Variants in DOCK2 observed in about 807,000 individuals in gnomAD.
DOCK2 encodes dedicator of cytokinesis 2, also known as dedicator of cytokinesis protein 2.
DOCK2 carries 87 observed loss-of-function variants against 248.9 expected under a neutral mutation model. The observed-to-expected ratio is 0.35, with a 90% confidence interval of 0.29 to 0.42. The LOEUF (loss-of-function observed/expected upper bound fraction) is 0.42. DOCK2 is among the 10% of genes least tolerant of loss of function. The probability of loss-of-function intolerance (pLI) is 1.00; values close to 1 mark genes in which losing one functional copy is unlikely to be tolerated. For missense variants in DOCK2, 1,747 were observed against 2,300.2 expected, an observed-to-expected ratio of 0.76 and a Z score of 4.92; for synonymous variants, 805 against 821.6, an observed-to-expected ratio of 0.98 and a Z score of 0.35.
chr5:169,973,593 T>A (rs1029329016), intron 27 of DOCK2, among the ~76,000 whole-genome samples: 11 of 152,154 alleles, frequency 7.2e-5, no homozygotes, highest in Admixed American at 5.2e-4. Flanking sequence ...GAGCTGGCAT[T>A]GATCCCAGGA....
chr5:169,667,204 C>A (rs1187145912), intron 2 of DOCK2, among the ~76,000 whole-genome samples: 1 of 152,156 alleles, frequency 6.6e-6, no homozygotes, highest in Non-Finnish European at 1.5e-5. Flanking sequence ...CCTTAGCCAT[C>A]ATGTGGGTTC....
At chr5:169,820,625 C>A (rs1360544993) in intron 26 of DOCK2, among the ~76,000 whole-genome samples, 1 of 152,094 alleles carries the variant, frequency 6.6e-6, no homozygotes, top group Non-Finnish European at 1.5e-5. Flanking sequence ...CTGTACGTCA[C>A]CATCATCAAA....
At chr5:169,649,864 T>G (rs913952276) in intron 1 of DOCK2, among the ~76,000 whole-genome samples, 1 of 151,724 alleles carries the variant, frequency 6.6e-6, no homozygotes, top group African/African-American at 2.4e-5. Flanking sequence ...AGTGCAGTGG[T>G]GTAATCTCGG....
chr5:169,795,948 T>A (rs1463986178), intron 25 of DOCK2, among the ~76,000 whole-genome samples: 1 of 151,886 alleles, frequency 6.6e-6, no homozygotes, highest in East Asian at 1.9e-4. Flanking sequence ...TTTCAGTCAA[T>A]AGGAACTTGG....
intron 27 of DOCK2, among the ~76,000 whole-genome samples, chr5:169,915,615 G>GGA (rs1190622602): frequency 6.6e-6 from 1 of 150,720 alleles, no homozygotes; most frequent in African/African-American, 2.4e-5. Context: ...GGGAGGGAGG[G>GGA]GAGAGAGAGA....
rs1374878267 is a variant in DOCK2 at position 169,637,281 on chromosome 5, C to A, written c.-46C>A. 1.4e-6 allele frequency: 2 copies of A among 1,433,936 alleles called. No homozygotes were observed. The highest frequency in any genetic ancestry group is 1.4e-5 in the South Asian group (1 of 71,878). The allele number at this position is 1,433,936 out of a possible 1,614,324, so 88.8% of individuals were successfully genotyped here. A position where few individuals can be genotyped will look rare whatever the true frequency, so the allele number is the denominator to read the frequency against. ...GTGGGGCCCTGCGGCGCCCAGCCAC[C>A]CCCTGACGGCTTCCCCACGGGAGGA... On this transcript the variant is annotated 5_prime_UTR_variant, in exon 1 of 52. Transcript: ENST00000520908.
At chr5:170,031,650 G>C (rs1165831538) in intron 34 of DOCK2, among the ~76,000 whole-genome samples, 4 of 152,192 alleles carry the variant, frequency 2.6e-5, no homozygotes, top group Non-Finnish European at 4.4e-5. Context: ...TCCCATGCTA[G>C]ACTGTGATCT....
At chr5:169,637,610 C>G (rs1408215520) in intron 1 of DOCK2, among the ~76,000 whole-genome samples, 2 of 152,176 alleles carry the variant, frequency 1.3e-5, no homozygotes, top group African/African-American at 4.8e-5. Flanking sequence ...GAACCTTAGA[C>G]ATTTCCGAGA....
At chr5:169,699,821 T>C (rs761987133) in intron 12 of DOCK2, among the ~76,000 whole-genome samples, 193 bp from the exon 13 acceptor site, 8 of 152,220 alleles carry the variant, frequency 5.3e-5, no homozygotes, top group Non-Finnish European at 1.0e-4. Context: ...CTGACACCGC[T>C]AGAAATCATT....
intron 38 of DOCK2, among the ~76,000 whole-genome samples, chr5:170,043,287 T>G (rs1006124500): frequency 6.6e-6 from 1 of 152,202 alleles, no homozygotes; most frequent in African/African-American, 2.4e-5. Flanking sequence ...AATAGTACCT[T>G]CTTTCTAGTT....
chr5:170,076,606 G>C (rs1208145812), intron 47 of DOCK2, among the ~76,000 whole-genome samples: 1 of 152,184 alleles, frequency 6.6e-6, no homozygotes. Context: ...CCATGAGCCT[G>C]GTGCTTACGG....
At chr5:169,896,491 A>C (rs1773616509) in intron 27 of DOCK2, among the ~76,000 whole-genome samples, 1 of 152,204 alleles carries the variant, frequency 6.6e-6, no homozygotes, top group Non-Finnish European at 1.5e-5. Flanking sequence ...GTGGCTAATA[A>C]TATTACTTAA....
intron 49 of DOCK2, 177 bp downstream of exon 49, chr5:170,079,323 G>C: frequency 1.3e-5 from 11 of 844,354 alleles, no homozygotes; most frequent in South Asian, 1.8e-5. Flanking sequence ...TCGTGCCCAG[G>C]CAGCTGGGGT....
chr5:170,079,973 AG>A, intron 49 of DOCK2, 189 bp from the exon 50 acceptor site: 1 of 835,760 alleles, frequency 1.2e-6, no homozygotes, highest in Non-Finnish European at 1.8e-6. Context: ...GTAGTTGTGT[AG>A]TGTGCAACCT....
At chr5:170,004,523 T>C (rs949458884) in intron 30 of DOCK2, among the ~76,000 whole-genome samples, 2 of 152,084 alleles carry the variant, frequency 1.3e-5, no homozygotes, top group African/African-American at 4.8e-5. Flanking sequence ...TCCTCAGGGA[T>C]CTAGAACTAG....
chr5:169,685,727 A>G (rs1759930734), intron 8 of DOCK2, among the ~76,000 whole-genome samples: 1 of 152,204 alleles, frequency 6.6e-6, no homozygotes, highest in Admixed American at 6.5e-5. Flanking sequence ...GGGGCTGTCC[A>G]TCTCAGAAGA....
At chr5:170,001,706 C>T (rs762455128) in intron 30 of DOCK2, among the ~76,000 whole-genome samples, 3 of 152,258 alleles carry the variant, frequency 2.0e-5, no homozygotes, top group Admixed American at 6.5e-5. Flanking sequence ...CTGGCTCAGA[C>T]GTGATGTGCG....
chr5:169,710,547 G>A (rs1761520224), intron 15 of DOCK2, among the ~76,000 whole-genome samples: 1 of 152,176 alleles, frequency 6.6e-6, no homozygotes, highest in African/African-American at 2.4e-5. Context: ...GGAATAACCT[G>A]CATTGGAATA....
intron 25 of DOCK2, among the ~76,000 whole-genome samples, chr5:169,785,781 C>T (rs1765950277): frequency 6.6e-6 from 1 of 152,150 alleles, no homozygotes; most frequent in African/African-American, 2.4e-5. Flanking sequence ...CTCATTCATG[C>T]CCCCTCTTCC....
Sources: gnomAD v4.1 joint callset for allele counts (sites outside exome capture counted in the v4.1 genomes callset) on GRCh38, gnomAD v4.1.1 for gene constraint, MANE v1.5 for transcripts, NCBI Gene and HGNC (gene_info 2026-07-23, HGNC 2026-07-21) for gene names.